Variants in WDPCP observed in about 807,000 individuals in gnomAD.
The protein encoded by WDPCP is WD repeat containing planar cell polarity effector, also known as WD repeat-containing and planar cell polarity effector protein fritz homolog.
WDPCP carries 71 observed loss-of-function variants against 93.1 expected under a neutral mutation model. The ratio of observed to expected loss-of-function variants is 0.76; its 90% CI spans 0.63 to 0.93. The LOEUF is 0.93. Among genes scored for constraint, WDPCP ranks in the 40% least tolerant of loss-of-function variants. WDPCP has a pLI of 0.00. For missense variants in WDPCP, 844 were observed against 887.4 expected, an observed-to-expected ratio of 0.95 and a Z score of 0.62; for synonymous variants, 315 against 315.0, an observed-to-expected ratio of 1.00 and a Z score of 0.00.
At chr2:63,345,327 G>C (rs1020834099) in intron 12 of WDPCP, among the ~76,000 whole-genome samples, 1 of 152,148 alleles carries the variant, frequency 6.6e-6, no homozygotes, top group Non-Finnish European at 1.5e-5. Flanking sequence ...TCTGTTTCTA[G>C]GTGACATAAG....
intron 2 of WDPCP, among the ~76,000 whole-genome samples, chr2:63,489,747 T>A (rs1700762816): frequency 1.3e-5 from 2 of 152,034 alleles, no homozygotes; most frequent in Non-Finnish European, 2.9e-5. Context: ...AACAACTCCA[T>A]AAAGTGGAAA....
intron 14 of WDPCP, chr2:63,233,521 T>A (rs1324566135): frequency 1.1e-5 from 2 of 176,944 alleles, no homozygotes; most frequent in Non-Finnish European, 1.2e-5. Flanking sequence ...AAACTTCTTC[T>A]AGAGGAACGC....
At chr2:63,627,303 C>G (rs144531448) in intron 3 of WDPCP, among the ~76,000 whole-genome samples, 2 of 152,250 alleles carry the variant, frequency 1.3e-5, no homozygotes, top group Admixed American at 6.5e-5. Context: ...TAGTCAGTGA[C>G]TAGATTAGAG....
At chr2:63,814,607 C>G (rs114517839) in intron 1 of WDPCP, among the ~76,000 whole-genome samples, 1,855 of 152,248 alleles carry the variant, frequency 0.012, 16 homozygotes, top group Non-Finnish European at 0.015. Flanking sequence ...TGAAAATATT[C>G]CTGAACTAGT....
In WDPCP at chr2:63,576,056, C is replaced by G. The variant is rs373668323; in HGVS notation, c.75+12141G>C. ...GGACAAACCAAAGTGTTTTTCCTAC[C>G]CTCACACACCACTCAACACATTTCT... is the stretch of plus-strand genomic sequence containing the variant. On this transcript the variant is annotated intron_variant, in intron 1 of 17. Coordinates refer to ENST00000272321, the MANE Select transcript of WDPCP (RefSeq NM_015910.7). 9.2e-5 allele frequency among the ~76,000 whole-genome samples: 14 copies of G among 152,156 alleles called. 1 individual carries two copies. The South Asian group carries it at 2.9e-3, about 32-fold the overall frequency.
At chr2:63,397,623 C>T (rs1693835708) in intron 10 of WDPCP, among the ~76,000 whole-genome samples, 1 of 152,092 alleles carries the variant, frequency 6.6e-6, no homozygotes, top group Admixed American at 6.6e-5. Context: ...CATTTGGGAT[C>T]ATAGAAGGCT....
chr2:63,536,357 T>C (rs933637957), intron 1 of WDPCP, among the ~76,000 whole-genome samples: 4 of 152,232 alleles, frequency 2.6e-5, no homozygotes, highest in South Asian at 2.1e-4. Flanking sequence ...ATCCCATTAC[T>C]GGGCATATAC....
chr2:63,514,670 T>C (rs550275924), intron 1 of WDPCP, among the ~76,000 whole-genome samples: 1 of 152,260 alleles, frequency 6.6e-6, no homozygotes, highest in Non-Finnish European at 1.5e-5. Context: ...GGCTAAGTTA[T>C]AGCTCTAGAT....
intron 12 of WDPCP, among the ~76,000 whole-genome samples, chr2:63,340,582 A>G (rs866151330): frequency 8.5e-5 from 13 of 152,186 alleles, no homozygotes; most frequent in Non-Finnish European, 1.5e-5. Flanking sequence ...GACCACCTTA[A>G]TCTTACTTTT....
intron 3 of WDPCP, among the ~76,000 whole-genome samples, chr2:63,614,377 CCTCCA>C (rs1272213564): frequency 6.6e-6 from 1 of 152,178 alleles, no homozygotes; most frequent in Non-Finnish European, 1.5e-5. Flanking sequence ...GCAAACTTTC[CCTCCA>C]CTCCTATGTT....
chr2:63,431,158 C>CT (rs1696729532), intron 9 of WDPCP, among the ~76,000 whole-genome samples: 7 of 55,404 alleles, frequency 1.3e-4, no homozygotes, highest in African/African-American at 6.5e-4. Flanking sequence ...GCTTAAAAAA[C>CT]ATTTTTTTTA....
intron 3 of WDPCP, among the ~76,000 whole-genome samples, chr2:63,600,746 C>T (rs138601971): frequency 0.013 from 1,955 of 152,188 alleles, 26 homozygotes; most frequent in Non-Finnish European, 0.02. Context: ...AGGCTATAGG[C>T]TGTGAGCTGG....
chr2:63,545,605 G>A (rs545934864), intron 1 of WDPCP, among the ~76,000 whole-genome samples: 1 of 151,840 alleles, frequency 6.6e-6, no homozygotes, highest in African/African-American at 2.4e-5. Context: ...TCTAGTCGAG[G>A]TATGATTTAT....
intron 1 of WDPCP, among the ~76,000 whole-genome samples, chr2:63,537,229 C>A (rs1434670619): frequency 6.6e-6 from 1 of 152,202 alleles, no homozygotes; most frequent in Admixed American, 6.5e-5. Context: ...TAAATCAACT[C>A]TCTTGCTGTT....
chr2:63,518,885 C>T (rs1702731795), intron 1 of WDPCP: 1 of 152,370 alleles, frequency 6.6e-6, no homozygotes, highest in Admixed American at 6.6e-5. Flanking sequence ...CAAATGCACA[C>T]TAACCTGCTC....
chr2:63,719,557 G>T (rs183192733), intron 2 of WDPCP, among the ~76,000 whole-genome samples: 6 of 152,208 alleles, frequency 3.9e-5, no homozygotes, highest in Admixed American at 3.9e-4. Context: ...TAGACAAAGT[G>T]ATCAAAAATT....
intron 14 of WDPCP, among the ~76,000 whole-genome samples, chr2:63,255,284 T>G (rs1681042122): frequency 6.6e-6 from 1 of 152,076 alleles, no homozygotes; most frequent in Non-Finnish European, 1.5e-5. Context: ...AGTGCAATAA[T>G]AAGGAAAGAG....
At chr2:63,487,312 A>G (rs1700628116) in intron 3 of WDPCP, 135 bp downstream of exon 3, 3 of 619,086 alleles carry the variant, frequency 4.8e-6, no homozygotes, top group Non-Finnish European at 8.5e-6. Flanking sequence ...GCATTTTTCT[A>G]AAGAACTGAA....
chr2:63,374,011 T>C (rs1186862838), intron 12 of WDPCP, among the ~76,000 whole-genome samples: 2 of 152,086 alleles, frequency 1.3e-5, no homozygotes, highest in Admixed American at 6.6e-5. Context: ...GTGTATATGC[T>C]TTATATGATC....
Sources: gnomAD v4.1 joint callset for allele counts (sites outside exome capture counted in the v4.1 genomes callset) on GRCh38, gnomAD v4.1.1 for gene constraint, MANE v1.5 for transcripts, NCBI Gene and HGNC (gene_info 2026-07-23, HGNC 2026-07-21) for gene names.